The following ABHD2 variants were observed in gnomAD, a reference collection of about 807,000 sequenced individuals.
ABHD2 encodes the protein monoacylglycerol lipase ABHD2.
In ABHD2, 20 loss-of-function variants were observed where a neutral mutation model predicts 48.1. That is an observed-to-expected ratio of 0.42 (90% CI 0.29 to 0.60). ABHD2 has a LOEUF of 0.60. ABHD2 is among the 20% of genes least tolerant of loss of function. ABHD2 has a pLI of 0.24. For missense variants in ABHD2, 405 were observed against 550.9 expected (o/e 0.74, Z 2.65); for synonymous variants, 209 against 214.2 (o/e 0.98, Z 0.21).
At chr15:89,112,514 A>T (rs780172074) in intron 1 of ABHD2, among the ~76,000 whole-genome samples, 1 of 152,166 alleles carries the variant, frequency 6.6e-6, no homozygotes, top group Non-Finnish European at 1.5e-5. Flanking sequence ...TCTATGACTA[A>T]TTTGTCTCAG....
At chr15:89,132,287 C>T (rs898399950) in intron 3 of ABHD2, among the ~76,000 whole-genome samples, 9 of 152,214 alleles carry the variant, frequency 5.9e-5, no homozygotes, top group African/African-American at 1.4e-4. Flanking sequence ...TAATAAGAAT[C>T]GCTGTAAGGG....
chr15:89,057,000 G>A, the ABHD2 span, among the ~76,000 whole-genome samples: 1 of 134,168 alleles, frequency 7.5e-6, no homozygotes, highest in Non-Finnish European at 1.5e-5. Flanking sequence ...TGCAATCTCC[G>A]CCTCCCGGGT....
the ABHD2 span, among the ~76,000 whole-genome samples, chr15:89,069,709 T>A: frequency 3.1e-4 from 32 of 102,614 alleles, 1 homozygote; most frequent in African/African-American, 1.1e-3. Context: ...AGATGGAATC[T>A]TGCTCTGTCA....
In ABHD2 at chr15:89,102,714, G is replaced by A. The variant is rs533696561; in HGVS notation, c.-106-11011G>A. 1 of 152,282 alleles carries A rather than the reference G, an allele frequency of 6.6e-6. No homozygotes were observed. Among genetic ancestry groups the A allele is most frequent in the African/African-American group, 2.4e-5 (1 of 41,474 alleles). The allele number at this position is 152,282 out of a possible 1,614,324, so 9.4% of individuals were successfully genotyped here. A position where few individuals can be genotyped will look rare whatever the true frequency, so the allele number is the denominator to read the frequency against. The stretch of plus-strand genomic sequence containing the variant: ...AAGACGAATGTATTGGGAAAGCCCA[G>A]CGGAGGAAGAGCTCCTGAGGAGTGA... On this transcript the variant is annotated intron_variant, in intron 1 of 10. Coordinates refer to ENST00000352732, the MANE Select transcript of ABHD2 (RefSeq NM_152924.5). The surrounding 1 kb of genome is among the most constrained non-coding windows in gnomAD (Gnocchi z 4.8).
Position 89,166,500 on chromosome 15 carries a change from A to G in ABHD2, c.539-9312A>G, listed in dbSNP as rs917556602. ...CAGGAACTTTTTTGTTTTTTAAACT[A>G]TCTTTTGGATTAAGGCTGCAGTGAA... On this transcript the variant is annotated intron_variant, in intron 5 of 10. Coordinates refer to ENST00000352732, the MANE Select transcript of ABHD2 (RefSeq NM_152924.5). This position sits in a 1 kb window ranked among gnomAD's most constrained non-coding sequence, Gnocchi z 4.6. Among the ~76,000 whole-genome samples, 5 of 152,298 alleles carry G rather than the reference A, an allele frequency of 3.3e-5. No homozygotes were observed. Among genetic ancestry groups the G allele is most frequent in the South Asian group, 4.1e-4 (2 of 4,832 alleles).
chr15:89,141,016 T>C (rs2050394208), intron 3 of ABHD2, among the ~76,000 whole-genome samples: 1 of 152,038 alleles, frequency 6.6e-6, no homozygotes, highest in Non-Finnish European at 1.5e-5. Context: ...TCACCCATGC[T>C]GGAGTGCAGT....
intron 3 of ABHD2, among the ~76,000 whole-genome samples, chr15:89,139,892 A>G (rs572921798): frequency 1.4e-4 from 22 of 152,270 alleles, no homozygotes; most frequent in African/African-American, 5.1e-4. Flanking sequence ...ATCTGACCGG[A>G]GTTTCAGCAC....
intron 5 of ABHD2, among the ~76,000 whole-genome samples, chr15:89,171,171 T>C (rs1409893532): frequency 6.6e-6 from 1 of 152,180 alleles, no homozygotes; most frequent in Non-Finnish European, 1.5e-5. Context: ...ACAATGGTTC[T>C]CAAAGTGTGG....
At chr15:89,072,139 G>A in the ABHD2 span, among the ~76,000 whole-genome samples, 1 of 152,148 alleles carries the variant, frequency 6.6e-6, no homozygotes, top group Non-Finnish European at 1.5e-5. Context: ...ACAGAATGAG[G>A]AGGAAGATAG....
At chr15:89,129,772 C>T (rs575143867) in intron 3 of ABHD2, among the ~76,000 whole-genome samples, 171 of 150,764 alleles carry the variant, frequency 1.1e-3, no homozygotes, top group African/African-American at 4.0e-3. Flanking sequence ...GCACTTATTT[C>T]ATAGGTTCAG....
chr15:89,096,767 T>C (rs2150778029), intron 1 of ABHD2, among the ~76,000 whole-genome samples: 1 of 152,298 alleles, frequency 6.6e-6, no homozygotes, highest in South Asian at 2.1e-4. Context: ...GAAAGACACT[T>C]TACAGGGGAG....
intron 3 of ABHD2, among the ~76,000 whole-genome samples, chr15:89,127,718 T>C (rs982102184): frequency 1.2e-5 from 1 of 82,276 alleles, no homozygotes; most frequent in Non-Finnish European, 2.3e-5. Context: ...TATATATATA[T>C]ACACATATAT....
Position 89,106,227 on chromosome 15 carries a change from G to A in ABHD2, c.-106-7498G>A, listed in dbSNP as rs2049783214. The A allele has an allele frequency of 6.6e-6, 1 of 152,302 alleles. No individual in the cohort carries two copies. The highest frequency in any genetic ancestry group is 2.4e-5 in the African/African-American group (1 of 41,456). 9.4% of individuals were successfully genotyped at this position (152,302 alleles called of 1,614,324 possible). ...CTACGCCAGAGGCTTGAACCCAGGAGGCAGAGGTTGCAGTGACCTGAGATT... is the reference window on the plus strand; with the variant it reads ...CTACGCCAGAGGCTTGAACCCAGGAAGCAGAGGTTGCAGTGACCTGAGATT... On this transcript the variant is annotated intron_variant, in intron 1 of 10. Transcript: ENST00000352732. The surrounding 1 kb of genome is among the most constrained non-coding windows in gnomAD (Gnocchi z 4.2).
At chr15:89,077,915 A>G in the ABHD2 span, among the ~76,000 whole-genome samples, 2 of 152,116 alleles carry the variant, frequency 1.3e-5, no homozygotes, top group African/African-American at 4.8e-5. Flanking sequence ...ATGACTCCAA[A>G]TCCCCTTGTC....
chr15:89,044,109 T>G, the ABHD2 span, among the ~76,000 whole-genome samples: 2 of 152,076 alleles, frequency 1.3e-5, no homozygotes, highest in Non-Finnish European at 2.9e-5. Flanking sequence ...TGTGTCCATG[T>G]GTTCTCATTG....
At chr15:89,148,342 G>A (rs1162280733) in intron 3 of ABHD2, among the ~76,000 whole-genome samples, 1 of 152,020 alleles carries the variant, frequency 6.6e-6, no homozygotes, top group Non-Finnish European at 1.5e-5. Flanking sequence ...ATTCAAACAA[G>A]CAACTTTTTT....
intron 3 of ABHD2, among the ~76,000 whole-genome samples, chr15:89,124,481 T>G (rs1042731493): frequency 4.6e-5 from 7 of 152,252 alleles, no homozygotes; most frequent in African/African-American, 1.7e-4. Context: ...AAGTTAAAGC[T>G]GAAAAGAATT....
At position 89,113,806 on chromosome 15, in the gene ABHD2, G is replaced by C. The variant is rs575246432; in HGVS notation, c.-25G>C. ...TCAAGGAAAATTCGTATTTGCAGTGGGAAGAATAAGTAACATTGGTATGTA... is the reference window on the plus strand; with the variant it reads ...TCAAGGAAAATTCGTATTTGCAGTGCGAAGAATAAGTAACATTGGTATGTA... On this transcript the variant is annotated 5_prime_UTR_variant, in exon 2 of 11. Transcript: ENST00000352732. 36 of 152,276 alleles carry C rather than the reference G, an allele frequency of 2.4e-4. No homozygotes were observed. Among genetic ancestry groups the C allele is most frequent in the African/African-American group, 8.4e-4 (35 of 41,540 alleles). 9.4% of individuals were successfully genotyped at this position (152,276 alleles called of 1,614,324 possible). A position where few individuals can be genotyped will look rare whatever the true frequency, so the allele number is the denominator to read the frequency against.
Position 89,151,770 on chromosome 15 carries a change from G to T in ABHD2, c.288G>T (p.Gly96=), listed in dbSNP as rs777367221. The change falls in exon 4 of 11, where the codon GGG becomes GGT. Residue 96 remains glycine (G), a synonymous_variant. Transcript: ENST00000352732. This position sits in a 1 kb window ranked among gnomAD's most constrained non-coding sequence, Gnocchi z 4.7. ...GGGTGAGGTCGCCACATCCTTATGG[G>T]CACCGGAAGTTCATCACTATGTCTG... ...MGRVRSPHPY[G]HRKFITMSDG... 1 of 1,614,204 alleles carries T rather than the reference G, an allele frequency of 6.2e-7. No homozygotes were observed. The highest frequency in any genetic ancestry group is 1.7e-5 in the Admixed American group (1 of 60,026).
Sources: allele counts gnomAD v4.1 joint callset (sites outside exome capture counted in the v4.1 genomes callset), GRCh38; gene constraint gnomAD v4.1.1; non-coding constraint Gnocchi (gnomAD v3.1); transcripts MANE v1.5; gene names NCBI Gene and HGNC (gene_info 2026-07-23, HGNC 2026-07-21).